The following NOS1AP variants were observed in gnomAD, a reference collection of about 807,000 sequenced individuals.
NOS1AP encodes nitric oxide synthase 1 adaptor protein.
Under a neutral mutation model 56.2 loss-of-function variants are expected in NOS1AP, and 21 were observed. The ratio of observed to expected loss-of-function variants is 0.37; its 90% CI spans 0.26 to 0.54. The LOEUF (loss-of-function observed/expected upper bound fraction) is 0.54, where lower values mean the gene tolerates loss of function less well. NOS1AP is among the 20% of genes least tolerant of loss of function. The probability of loss-of-function intolerance (pLI) is 0.84; values close to 1 mark genes in which losing one functional copy is unlikely to be tolerated. For missense variants in NOS1AP, 522 were observed against 657.8 expected (o/e 0.79, Z 2.26); for synonymous variants, 270 against 274.6 (o/e 0.98, Z 0.17).
intron 1 of NOS1AP, among the ~76,000 whole-genome samples, chr1:162,112,679 AGATT>A (rs1479270774): frequency 6.6e-6 from 1 of 152,210 alleles, no homozygotes; most frequent in Admixed American, 6.5e-5. Context: ...CTTTATAGAT[AGATT>A]ATTGATCAAT....
chr1:162,334,944 G>T (rs1336299845), intron 5 of NOS1AP, among the ~76,000 whole-genome samples: 1 of 152,184 alleles, frequency 6.6e-6, no homozygotes, highest in Non-Finnish European at 1.5e-5. Flanking sequence ...ACCTAGGTAA[G>T]AGGACCATTA....
intron 2 of NOS1AP, among the ~76,000 whole-genome samples, chr1:162,210,961 C>T (rs1247021302): frequency 6.6e-6 from 1 of 152,348 alleles, no homozygotes; most frequent in East Asian, 1.9e-4. Flanking sequence ...TGCCCACAAG[C>T]CTGGGGGCTC....
intron 1 of NOS1AP, among the ~76,000 whole-genome samples, chr1:162,153,600 T>C (rs1558124904): frequency 6.6e-6 from 1 of 152,238 alleles, no homozygotes; most frequent in Non-Finnish European, 1.5e-5. Flanking sequence ...CCTGTATTCA[T>C]TGGCATAGAG....
At chr1:162,318,764 A>G (rs927430968) in intron 4 of NOS1AP, among the ~76,000 whole-genome samples, 3 of 151,480 alleles carry the variant, frequency 2.0e-5, no homozygotes, top group Non-Finnish European at 4.4e-5. Flanking sequence ...CTTATTTCCA[A>G]TTGCCTCTTA....
intron 2 of NOS1AP, among the ~76,000 whole-genome samples, chr1:162,232,613 C>A (rs569604237): frequency 6.6e-6 from 1 of 151,998 alleles, no homozygotes; most frequent in South Asian, 2.1e-4. Flanking sequence ...AGACAGCTTG[C>A]CCATTCTGTG....
At chr1:162,309,143 G>A (rs1215504230) in intron 4 of NOS1AP, among the ~76,000 whole-genome samples, 1 of 152,200 alleles carries the variant, frequency 6.6e-6, no homozygotes, top group East Asian at 1.9e-4. Flanking sequence ...GCTATTCTGT[G>A]ATATTTGGGA....
At chr1:162,232,786 T>C (rs1653164560) in intron 2 of NOS1AP, among the ~76,000 whole-genome samples, 1 of 152,116 alleles carries the variant, frequency 6.6e-6, no homozygotes, top group South Asian at 2.1e-4. Context: ...GTACCTATTA[T>C]GTACCTTTAT....
chr1:162,230,816 T>A (rs1325027972), intron 2 of NOS1AP, among the ~76,000 whole-genome samples: 1 of 152,228 alleles, frequency 6.6e-6, no homozygotes, highest in Non-Finnish European at 1.5e-5. Context: ...TTGTAGCAGG[T>A]GTCGAATTTC....
At position 162,333,049 on chromosome 1, in the gene NOS1AP, T is replaced by G; in HGVS notation, c.377T>G (p.Leu126Trp). 1 of 1,613,788 alleles carries G rather than the reference T, an allele frequency of 6.2e-7. No homozygotes were observed. The highest frequency in any genetic ancestry group is 8.5e-7 in the Non-Finnish European group (1 of 1,179,678). Residue 126 changes from leucine to tryptophan, a missense_variant, in exon 5 of 10, where the codon TTG becomes TGG. By Grantham distance (61) the Leu-to-Trp change is moderately conservative. Transcript: ENST00000361897. ...TATGTCTCTCATGATTCCCAAGACT[T>G]GAAGATCTTCAGCTATATCGCTCGA... Reference protein sequence around the residue: ...IFYVSHDSQDLKIFSYIARDG... With the variant: ...IFYVSHDSQDWKIFSYIARDG...
intron 1 of NOS1AP, among the ~76,000 whole-genome samples, chr1:162,071,400 T>A (rs1366852044): frequency 6.6e-6 from 1 of 152,248 alleles, no homozygotes; most frequent in Non-Finnish European, 1.5e-5. Context: ...TCTTCTTCCT[T>A]CAATTCACAC....
At chr1:162,222,850 A>C (rs913688651) in intron 2 of NOS1AP, among the ~76,000 whole-genome samples, 1 of 152,238 alleles carries the variant, frequency 6.6e-6, no homozygotes, top group African/African-American at 2.4e-5. Flanking sequence ...GGATATTTGC[A>C]TTCCTTGTGG....
At chr1:162,098,102 C>CTTTTTTTTTTTT (rs35307081) in intron 1 of NOS1AP, among the ~76,000 whole-genome samples, 16 of 80,612 alleles carry the variant, frequency 2.0e-4, no homozygotes, top group Admixed American at 3.3e-4. Flanking sequence ...CTCTCTTTTG[C>CTTTTTTTTTTTT]TTTTTTTTTT....
intron 1 of NOS1AP, among the ~76,000 whole-genome samples, chr1:162,123,708 TGAA>T (rs1648348165): frequency 6.6e-6 from 1 of 152,198 alleles, no homozygotes; most frequent in East Asian, 1.9e-4. Context: ...AAAAATAGGA[TGAA>T]GGACTCCAAT....
At position 162,356,952 on chromosome 1, in the gene NOS1AP, T is replaced by C. The variant is rs773880999; in HGVS notation, c.763-8T>C. 1.2e-6 allele frequency: 2 copies of C among 1,614,040 alleles called. No homozygotes were observed. The highest frequency in any genetic ancestry group is 4.5e-5 in the East Asian group (2 of 44,872). ...CATGTCATGTCCTGTCTTCTCCTTC[T>C]CCTCCAGGTTTCGCACCCCCAGGAG... On this transcript the variant is annotated splice_polypyrimidine_tract_variant and splice_region_variant and intron_variant, in intron 7 of 9. Coordinates refer to ENST00000361897, the MANE Select transcript of NOS1AP (RefSeq NM_014697.3).
At chr1:162,267,884 T>C (rs76285175) in intron 2 of NOS1AP, among the ~76,000 whole-genome samples, 1 of 152,220 alleles carries the variant, frequency 6.6e-6, no homozygotes, top group Non-Finnish European at 1.5e-5. Flanking sequence ...AGTAAGTTGA[T>C]TGATGCCAGA....
chr1:162,122,775 G>T (rs571666013), intron 1 of NOS1AP, among the ~76,000 whole-genome samples: 2 of 151,976 alleles, frequency 1.3e-5, no homozygotes, highest in Non-Finnish European at 2.9e-5. Context: ...AAAGTGTTGG[G>T]GTTACAGGCA....
intron 2 of NOS1AP, among the ~76,000 whole-genome samples, chr1:162,229,764 G>C (rs915930035): frequency 6.6e-6 from 1 of 152,118 alleles, no homozygotes; most frequent in African/African-American, 2.4e-5. Flanking sequence ...CAGGGTGGTA[G>C]TAATACAATG....
At chr1:162,117,218 G>C (rs151115055) in intron 1 of NOS1AP, among the ~76,000 whole-genome samples, 2 of 152,286 alleles carry the variant, frequency 1.3e-5, no homozygotes, top group African/African-American at 4.8e-5. Context: ...TGCATAGGCT[G>C]TCTCTCCAGA....
chr1:162,214,003 A>C (rs4130864), intron 2 of NOS1AP, among the ~76,000 whole-genome samples: 1 of 152,210 alleles, frequency 6.6e-6, no homozygotes, highest in Admixed American at 6.5e-5. Flanking sequence ...GCCAGGCACT[A>C]TAATGGGGGA....
Sources: allele counts gnomAD v4.1 joint callset (sites outside exome capture counted in the v4.1 genomes callset), GRCh38; gene constraint gnomAD v4.1.1; transcripts MANE v1.5; gene names NCBI Gene and HGNC (gene_info 2026-07-23, HGNC 2026-07-21).